SLCO2A1: variants seen among roughly 807,000 people sequenced by gnomAD.
The protein encoded by SLCO2A1 is matrin F/G 1.
A neutral mutation model predicts 71.7 loss-of-function variants in SLCO2A1; 60 were observed. The observed-to-expected ratio is 0.84, with a 90% CI of 0.68 to 1.04. The LOEUF (loss-of-function observed/expected upper bound fraction) is 1.04. Among genes scored for constraint, SLCO2A1 ranks in the 50% least tolerant of loss-of-function variants. The pLI is 0.00. For synonymous variants in SLCO2A1, 308 were observed against 326.7 expected (o/e 0.94, Z 0.62); for missense variants, 745 against 813.4 (o/e 0.92, Z 1.02).
Position 133,934,679 on chromosome 3 carries a change from A to C in SLCO2A1, c.*34T>G. 1 of 1,454,394 alleles carries C rather than the reference A, an allele frequency of 6.9e-7. No individual in the cohort carries two copies. The highest frequency in any genetic ancestry group is 9.7e-7 in the Non-Finnish European group (1 of 1,035,958). 90.1% of individuals were successfully genotyped at this position (1,454,394 alleles called of 1,614,324 possible). On this transcript the variant is annotated 3_prime_UTR_variant, in exon 14 of 14. Coordinates refer to ENST00000310926, the MANE Select transcript of SLCO2A1 (RefSeq NM_005630.3). ...GGCAGGTGTGGAAGAGTCAAGGTCC[A>C]CTCTCTGGAGCAGGGCAGTGGCCCA...
intron 1 of SLCO2A1, among the ~76,000 whole-genome samples, chr3:134,012,013 T>G (rs1271990647): frequency 6.6e-6 from 1 of 152,118 alleles, no homozygotes; most frequent in Non-Finnish European, 1.5e-5. Flanking sequence ...TGGGCCACTT[T>G]CCAGCTGCTG....
chr3:134,005,481 ATT>A (rs35386403), intron 1 of SLCO2A1, among the ~76,000 whole-genome samples: 29 of 133,894 alleles, frequency 2.2e-4, no homozygotes, highest in Middle Eastern at 7.7e-3. Flanking sequence ...ATGTGTTATA[ATT>A]TTTTTTTTTT....
chr3:134,018,258 T>G (rs1047086960), intron 1 of SLCO2A1, among the ~76,000 whole-genome samples: 11 of 152,196 alleles, frequency 7.2e-5, no homozygotes, highest in African/African-American at 2.2e-4. Flanking sequence ...ATATCTTAAC[T>G]CACTGGGTGG....
chr3:133,947,192 A>G (rs575550953), intron 9 of SLCO2A1, 64 bp downstream of exon 9: 25 of 1,398,438 alleles, frequency 1.8e-5, no homozygotes, highest in South Asian at 5.2e-5. Flanking sequence ...AGGAAGATGT[A>G]TAACAGCCAG....
chr3:134,020,987 G>A (rs915417454), intron 1 of SLCO2A1, among the ~76,000 whole-genome samples: 1 of 152,170 alleles, frequency 6.6e-6, no homozygotes, highest in Non-Finnish European at 1.5e-5. Flanking sequence ...CTCCATTTGA[G>A]TGGAAGCGTG....
intron 3 of SLCO2A1, among the ~76,000 whole-genome samples, chr3:133,966,209 G>C (rs1351479686): frequency 6.6e-6 from 1 of 152,170 alleles, no homozygotes; most frequent in Non-Finnish European, 1.5e-5. Context: ...TATTGGGAAG[G>C]GGAACTTTTG....
chr3:134,025,650 C>T (rs1362325654), intron 1 of SLCO2A1, among the ~76,000 whole-genome samples: 1 of 152,024 alleles, frequency 6.6e-6, no homozygotes, highest in Non-Finnish European at 1.5e-5. Context: ...GTCATTTAGG[C>T]CACTTCGATA....
At chr3:133,989,445 C>A (rs1420621232) in intron 1 of SLCO2A1, among the ~76,000 whole-genome samples, 1 of 152,214 alleles carries the variant, frequency 6.6e-6, no homozygotes, top group East Asian at 1.9e-4. Flanking sequence ...TGGGAAGAAG[C>A]ATAACTGCAC....
At chr3:133,956,305 C>T (rs1268285564) in intron 3 of SLCO2A1, among the ~76,000 whole-genome samples, 1 of 152,132 alleles carries the variant, frequency 6.6e-6, no homozygotes, top group Non-Finnish European at 1.5e-5. Flanking sequence ...TCAGGGCTGC[C>T]CTGGATGGTG....
chr3:133,948,523 CCT>C lies in SLCO2A1; in HGVS notation c.1105+11_1105+12del. On this transcript the variant is annotated intron_variant, in intron 8 of 13. Coordinates refer to ENST00000310926, the MANE Select transcript of SLCO2A1 (RefSeq NM_005630.3). The stretch of plus-strand genomic sequence containing the variant: ...GCAAGCCCTGCGGATCCTGCAGCAC[CCT>C]CTGGGCTCACCAATGAGGAAGTTGG... The C allele has an allele frequency of 6.2e-7, 1 of 1,610,936 alleles. No individual in the cohort carries two copies. The highest frequency in any genetic ancestry group is 8.5e-7 in the Non-Finnish European group (1 of 1,178,464).
intron 8 of SLCO2A1, among the ~76,000 whole-genome samples, chr3:133,948,281 C>T (rs1222249570): frequency 6.6e-6 from 1 of 152,210 alleles, no homozygotes; most frequent in Non-Finnish European, 1.5e-5. Context: ...AGACTTCCAG[C>T]CCCTTTACAG....
At chr3:133,989,459 C>A (rs1412401741) in intron 1 of SLCO2A1, among the ~76,000 whole-genome samples, 1 of 152,174 alleles carries the variant, frequency 6.6e-6, no homozygotes, top group Non-Finnish European at 1.5e-5. Context: ...ACTGCACAAC[C>A]ACACTGACAA....
At chr3:133,993,222 T>A (rs765100202) in intron 1 of SLCO2A1, among the ~76,000 whole-genome samples, 1 of 152,264 alleles carries the variant, frequency 6.6e-6, no homozygotes, top group Non-Finnish European at 1.5e-5. Flanking sequence ...TCCTTGCCAG[T>A]GCCGAAGCGA....
intron 5 of SLCO2A1, among the ~76,000 whole-genome samples, chr3:133,951,566 C>T (rs1193467479): frequency 6.6e-6 from 1 of 152,158 alleles, no homozygotes; most frequent in Non-Finnish European, 1.5e-5. Context: ...TCAGAAAATC[C>T]CCGGGCAGGA....
chr3:133,937,089 A>G (rs1442055981), intron 12 of SLCO2A1, among the ~76,000 whole-genome samples: 2 of 152,152 alleles, frequency 1.3e-5, no homozygotes, highest in East Asian at 3.9e-4. Flanking sequence ...GAGTGCTTCA[A>G]GCAGTGCGAG....
intron 1 of SLCO2A1, among the ~76,000 whole-genome samples, chr3:133,988,342 C>G (rs1278111678): frequency 2.0e-5 from 3 of 152,316 alleles, no homozygotes; most frequent in African/African-American, 7.2e-5. Context: ...CTATTGATCC[C>G]AGGTCTTTAG....
intron 10 of SLCO2A1, among the ~76,000 whole-genome samples, chr3:133,943,482 C>T (rs1020875275): frequency 9.2e-5 from 14 of 152,140 alleles, no homozygotes; most frequent in South Asian, 6.2e-4. Context: ...TTCCTTCTGC[C>T]GACAGTGGTA....
chr3:133,991,498 G>A (rs1483467936), intron 1 of SLCO2A1, among the ~76,000 whole-genome samples: 3 of 152,222 alleles, frequency 2.0e-5, no homozygotes, highest in Non-Finnish European at 2.9e-5. Context: ...AGCCAGCCTG[G>A]GGTCAAAGTT....
intron 3 of SLCO2A1, among the ~76,000 whole-genome samples, chr3:133,968,266 CA>C (rs990111362): frequency 6.6e-6 from 1 of 151,712 alleles, no homozygotes; most frequent in African/African-American, 2.4e-5. Context: ...ACGCCTCCCT[CA>C]CATACACACC....
Sources: allele counts gnomAD v4.1 joint callset (sites outside exome capture counted in the v4.1 genomes callset), GRCh38; gene constraint gnomAD v4.1.1; transcripts MANE v1.5; gene names NCBI Gene and HGNC (gene_info 2026-07-23, HGNC 2026-07-21).